Variants in ABHD12B observed in about 807,000 individuals in gnomAD.
ABHD12B encodes protein ABHD12B.
A neutral mutation model predicts 50.4 loss-of-function variants in ABHD12B; 42 were observed. The observed-to-expected ratio is 0.83, with a 90% CI of 0.65 to 1.08. The LOEUF is 1.08. Ranked by LOEUF, ABHD12B falls within the 50% of genes least tolerant of loss-of-function variation. The pLI is 0.00. For synonymous variants in ABHD12B, 167 were observed against 160.3 expected (o/e 1.04, Z -0.32); for missense variants, 479 against 447.7 (o/e 1.07, Z -0.63).
At chr14:50,894,185 T>A (rs988767346) in intron 9 of ABHD12B, among the ~76,000 whole-genome samples, 1 of 139,280 alleles carries the variant, frequency 7.2e-6, no homozygotes. Flanking sequence ...CCTTCATCCT[T>A]AGTGGCAAGT....
intron 9 of ABHD12B, among the ~76,000 whole-genome samples, chr14:50,890,175 TAA>T (rs1381253047): frequency 2.6e-5 from 4 of 152,224 alleles, no homozygotes; most frequent in Admixed American, 6.5e-5. Context: ...CATATTACTC[TAA>T]GTCATTACTA....
intron 11 of ABHD12B, 80 bp downstream of exon 11, chr14:50,903,547 A>T (rs1457125442): frequency 1.7e-6 from 2 of 1,179,170 alleles, no homozygotes; most frequent in Non-Finnish European, 2.5e-6. Flanking sequence ...CTTTGATTAG[A>T]GCCGAAAGGA....
chr14:50,888,774 A>C, intron 8 of ABHD12B, 50 bp from the exon 9 acceptor site: 3 of 1,508,122 alleles, frequency 2.0e-6, no homozygotes, highest in Non-Finnish European at 1.8e-6. Flanking sequence ...GAAAGATGGT[A>C]TTTGAATAGG....
intron 5 of ABHD12B, 72 bp downstream of exon 5, chr14:50,881,698 C>T (rs2049951589): frequency 1.9e-6 from 3 of 1,585,776 alleles, no homozygotes; most frequent in Non-Finnish European, 2.6e-6. Flanking sequence ...TTCCTCAGGC[C>T]CTCCGCGTGG....
At chr14:50,884,946 C>T (rs926154211) in intron 5 of ABHD12B, among the ~76,000 whole-genome samples, 5 of 152,072 alleles carry the variant, frequency 3.3e-5, no homozygotes, top group Admixed American at 6.6e-5. Context: ...ATAGCTTCCC[C>T]TTTTTGATTG....
intron 9 of ABHD12B, among the ~76,000 whole-genome samples, chr14:50,896,376 T>C (rs1307089760): frequency 6.6e-6 from 1 of 152,154 alleles, no homozygotes; most frequent in African/African-American, 2.4e-5. Flanking sequence ...TTCTTATTAA[T>C]ATAAGAAGGC....
chr14:50,877,825 C>T, intron 1 of ABHD12B, 127 bp from the exon 2 acceptor site: 1 of 936,688 alleles, frequency 1.1e-6, no homozygotes, highest in Non-Finnish European at 1.5e-6. Flanking sequence ...TGAGAACATG[C>T]CATTGCACTC....
At chr14:50,873,475 G>A (rs182460053) in intron 1 of ABHD12B, among the ~76,000 whole-genome samples, 17 of 152,334 alleles carry the variant, frequency 1.1e-4, no homozygotes, top group African/African-American at 3.8e-4. Flanking sequence ...GCACCCCAAA[G>A]TGTTGGGATT....
chr14:50,880,500 T>C lies in ABHD12B; in HGVS notation c.384T>C (p.Cys128=), dbSNP rs2049925053. 6.2e-7 allele frequency: 1 copy of C among 1,612,084 alleles called. No individual in the cohort carries two copies. Among genetic ancestry groups the C allele is most frequent in the Non-Finnish European group, 8.5e-7 (1 of 1,178,978 alleles). ...GGGAAGATGCCAAGGGGAAGGACTG[T>C]TGCTGGTATGAAGCAGCCCTTCGTG... The part of the protein sequence containing the change: ...CRGEDAKGKD[C]CWYEAALRDG... The change falls in exon 4 of 13, where the codon TGT becomes TGC. Residue 128 remains cysteine (C), a synonymous_variant. Coordinates refer to ENST00000337334, the MANE Select transcript of ABHD12B (RefSeq NM_001206673.2).
At chr14:50,886,541 A>G in intron 7 of ABHD12B, 106 bp from the exon 8 acceptor site, 1 of 1,111,846 alleles carries the variant, frequency 9.0e-7, no homozygotes, top group Non-Finnish European at 1.3e-6. Flanking sequence ...GTCTATATGC[A>G]TTTTTCTAAC....
In ABHD12B at chr14:50,877,997, T is replaced by C. The variant is rs529407330; in HGVS notation, c.150T>C (p.Ala50=). The change falls in exon 2 of 13, where the codon GCT becomes GCC. Residue 50 remains alanine (A), a synonymous_variant. Coordinates refer to ENST00000337334, the MANE Select transcript of ABHD12B (RefSeq NM_001206673.2). ...SCSMLGRKIA[A]LYDSFTSKSL... is the part of the protein sequence containing the mutation. Reference sequence around the variant, plus strand: ...CAATGCTCGGAAGAAAAATTGCTGCTCTGTATGACAGCTTTACTAGTAAAT... The same window carrying C: ...CAATGCTCGGAAGAAAAATTGCTGCCCTGTATGACAGCTTTACTAGTAAAT... 3 of 1,535,142 alleles carry C rather than the reference T, an allele frequency of 2.0e-6. No homozygotes were observed. The South Asian group carries it at 3.6e-5, about 18-fold the overall frequency.
chr14:50,897,336 A>G (rs749357696), intron 9 of ABHD12B, among the ~76,000 whole-genome samples: 31 of 151,906 alleles, frequency 2.0e-4, no homozygotes, highest in Non-Finnish European at 3.8e-4. Context: ...AGCCTCCCAA[A>G]CTGCTGGGAT....
chr14:50,880,777 G>T (rs2142728979), intron 4 of ABHD12B, among the ~76,000 whole-genome samples: 1 of 152,268 alleles, frequency 6.6e-6, no homozygotes, highest in Admixed American at 6.5e-5. Flanking sequence ...ATCCCTAACT[G>T]AGGAGAAAAG....
chr14:50,885,142 G>A (rs2050018448), intron 5 of ABHD12B, among the ~76,000 whole-genome samples: 1 of 152,340 alleles, frequency 6.6e-6, no homozygotes, highest in Non-Finnish European at 1.5e-5. Flanking sequence ...GACCCCGGGT[G>A]TCTGACCCTG....
At chr14:50,890,047 C>T (rs2050097413) in intron 9 of ABHD12B, among the ~76,000 whole-genome samples, 1 of 151,966 alleles carries the variant, frequency 6.6e-6, no homozygotes, top group Non-Finnish European at 1.5e-5. Context: ...TATAGGAATC[C>T]CCTCTACACT....
rs1307065882 is a variant in ABHD12B at position 50,872,086 on chromosome 14, CGCGGTGCCGCCGGGGCGGGA to C, written c.-88_-69del. 1 of 1,003,904 alleles carries C rather than the reference CGCGGTGCCGCCGGGGCGGGA, an allele frequency of 1.0e-6. No individual in the cohort carries two copies. The highest frequency in any genetic ancestry group is 1.3e-6 in the Non-Finnish European group (1 of 791,672). 62.2% of individuals were successfully genotyped at this position (1,003,904 alleles called of 1,614,324 possible). ...TGACCGCGCGGAGGAGGAGGGCGGG[CGCGGTGCCGCCGGGGCGGGA>C]AGGTCGCGGGCGGCTGCTCCGGACT... is the stretch of plus-strand genomic sequence containing the variant. On this transcript the variant is annotated 5_prime_UTR_variant, in exon 1 of 13. Transcript: ENST00000337334.
chr14:50,891,476 C>T (rs1050143511), intron 9 of ABHD12B: 2 of 152,238 alleles, frequency 1.3e-5, no homozygotes, highest in African/African-American at 2.4e-5. Flanking sequence ...ATCTCCTGAC[C>T]TCGTGATCCG....
intron 2 of ABHD12B, 55 bp from the exon 3 acceptor site, chr14:50,878,690 G>T: frequency 7.0e-7 from 1 of 1,438,290 alleles, no homozygotes. Flanking sequence ...CTTTGATTGT[G>T]ATTAAAAGGC....
At position 50,877,975 on chromosome 14, in the gene ABHD12B, T is replaced by C. The variant is rs184852992; in HGVS notation, c.128T>C (p.Met43Thr). The C allele has an allele frequency of 1.8e-5, 27 of 1,534,120 alleles. No homozygotes were observed. The East Asian group carries it at 3.7e-4, about 21-fold the overall frequency. ...NLRYFPHSCS[M>T]LGRKIAALYD... ...AGATATTTTCCACACTCCTGTTCAA[T>C]GCTCGGAAGAAAAATTGCTGCTCTG... is the stretch of plus-strand genomic sequence containing the variant. The change falls in exon 2 of 13, where the codon ATG becomes ACG. Residue 43 changes from methionine to threonine, a missense_variant. Transcript: ENST00000337334.
Sources: allele counts gnomAD v4.1 joint callset (sites outside exome capture counted in the v4.1 genomes callset), GRCh38; gene constraint gnomAD v4.1.1; transcripts MANE v1.5; gene names NCBI Gene and HGNC (gene_info 2026-07-23, HGNC 2026-07-21).